LRRC7: variants seen among roughly 807,000 people sequenced by gnomAD.
LRRC7 encodes leucine rich repeat containing 7.
A neutral mutation model predicts 175.7 loss-of-function variants in LRRC7; 23 were observed. That is an observed-to-expected ratio of 0.13 (90% CI 0.09 to 0.19). LRRC7 has a LOEUF of 0.19. Among genes scored for constraint, LRRC7 ranks in the 10% least tolerant of loss-of-function variants. The pLI, the probability that LRRC7 is intolerant of heterozygous loss-of-function variation, is 1.00. For synonymous variants in LRRC7, 685 were observed against 680.9 expected, an observed-to-expected ratio of 1.01 and a Z score of -0.09; for missense variants, 1,354 against 1,904.7, an observed-to-expected ratio of 0.71 and a Z score of 5.38.
chr1:69,994,466 G>T, intron 10 of LRRC7, 95 bp from the exon 11 acceptor site: 1 of 875,764 alleles, frequency 1.1e-6, no homozygotes, highest in Non-Finnish European at 1.9e-6. Flanking sequence ...AGCATGCCAA[G>T]CATTCAACAC....
At chr1:69,875,358 G>A (rs1353952979) in intron 7 of LRRC7, among the ~76,000 whole-genome samples, 1 of 151,926 alleles carries the variant, frequency 6.6e-6, no homozygotes, top group African/African-American at 2.4e-5. Context: ...TATAACAATT[G>A]AAAACTTGTA....
At chr1:69,770,824 G>C (rs181026080) in intron 3 of LRRC7, among the ~76,000 whole-genome samples, 1 of 152,062 alleles carries the variant, frequency 6.6e-6, no homozygotes, top group Non-Finnish European at 1.5e-5. Flanking sequence ...TAGATCCTGG[G>C]TTTGAATAAA....
intron 1 of LRRC7, among the ~76,000 whole-genome samples, chr1:69,665,479 G>T (rs1211114915): frequency 2.6e-5 from 4 of 151,954 alleles, no homozygotes; most frequent in African/African-American, 9.7e-5. Context: ...TCATTTTTGT[G>T]TGTCCTATTC....
intron 2 of LRRC7, among the ~76,000 whole-genome samples, chr1:69,732,696 C>G (rs1290012255): frequency 6.6e-6 from 1 of 151,910 alleles, no homozygotes. Flanking sequence ...TATTTGGATT[C>G]TAAATTTTGA....
intron 23 of LRRC7, among the ~76,000 whole-genome samples, chr1:70,059,499 GTGTGT>G (rs1661411585): frequency 1.3e-5 from 2 of 151,548 alleles, no homozygotes; most frequent in African/African-American, 4.9e-5. Flanking sequence ...GTGTGTGTGT[GTGTGT>G]GTGTGTGTGT....
At chr1:70,018,676 T>C in intron 14 of LRRC7, 43 bp from the exon 15 acceptor site, 1 of 1,364,498 alleles carries the variant, frequency 7.3e-7, no homozygotes. Flanking sequence ...CTGTTATATA[T>C]TTGCAATTGT....
rs961271097 is a variant in LRRC7 at position 70,141,031 on chromosome 1, G to A, written c.*19144G>A. On this transcript the variant is annotated 3_prime_UTR_variant, in exon 27 of 27. Transcript: ENST00000651989. The stretch of plus-strand genomic sequence containing the variant: ...TAAATCAGTGACTAATAAGGCAATG[G>A]AACACTCAAGCAGATTTTCCTCTAA... 1.3e-5 allele frequency among the ~76,000 whole-genome samples: 2 copies of A among 152,052 alleles called. No homozygotes were observed. The highest frequency in any genetic ancestry group is 4.8e-5 in the African/African-American group (2 of 41,402).
intron 2 of LRRC7, among the ~76,000 whole-genome samples, chr1:69,753,118 G>A (rs1670018695): frequency 6.6e-6 from 1 of 152,052 alleles, no homozygotes; most frequent in Non-Finnish European, 1.5e-5. Flanking sequence ...GTGATTTCTT[G>A]TGTATTATGC....
intron 2 of LRRC7, among the ~76,000 whole-genome samples, chr1:69,687,541 A>AAAAAAAAG (rs1557601071): frequency 2.1e-5 from 3 of 140,236 alleles, no homozygotes; most frequent in African/African-American, 5.2e-5. Context: ...AAAAAAAAGA[A>AAAAAAAAG]AAAAGAAAAA....
chr1:70,111,762 C>T (rs899725540), intron 26 of LRRC7, among the ~76,000 whole-genome samples: 1 of 152,130 alleles, frequency 6.6e-6, no homozygotes, highest in Non-Finnish European at 1.5e-5. Flanking sequence ...AAAACTCACT[C>T]GCAAGTATGT....
intron 25 of LRRC7, among the ~76,000 whole-genome samples, chr1:70,097,322 G>A (rs1478990542): frequency 2.6e-5 from 4 of 152,102 alleles, no homozygotes; most frequent in South Asian, 2.1e-4. Context: ...ATAATGATGC[G>A]TTAGCCATTG....
chr1:69,711,865 G>T (rs1046081781), intron 2 of LRRC7, among the ~76,000 whole-genome samples: 1 of 152,148 alleles, frequency 6.6e-6, no homozygotes, highest in African/African-American at 2.4e-5. Context: ...TCGGAGGCAG[G>T]TCAAACTGGA....
chr1:70,033,047 G>T (rs979748303), intron 18 of LRRC7, among the ~76,000 whole-genome samples: 53 of 152,210 alleles, frequency 3.5e-4, no homozygotes, highest in African/African-American at 1.2e-3. Flanking sequence ...CTCTATAAAA[G>T]AATTTATAGA....
At chr1:69,845,852 C>G (rs1184090211) in intron 7 of LRRC7, among the ~76,000 whole-genome samples, 3 of 152,166 alleles carry the variant, frequency 2.0e-5, no homozygotes, top group Admixed American at 1.3e-4. Flanking sequence ...TAATTGGATA[C>G]TGTGTGATTG....
At chr1:69,868,897 A>G (rs1288393565) in intron 7 of LRRC7, among the ~76,000 whole-genome samples, 3 of 142,750 alleles carry the variant, frequency 2.1e-5, no homozygotes, top group African/African-American at 7.7e-5. Flanking sequence ...CTATCTATAT[A>G]TGTATGTATA....
In LRRC7 at chr1:70,122,541, GAC is replaced by G. The variant is rs1399291866; in HGVS notation, c.*658_*659del. 1 of 151,984 alleles carries G rather than the reference GAC, an allele frequency of 6.6e-6. No individual in the cohort carries two copies. Among genetic ancestry groups the G allele is most frequent in the East Asian group, 1.9e-4 (1 of 5,194 alleles). The allele number at this position is 151,984 out of a possible 1,614,324, so 9.4% of individuals were successfully genotyped here. On this transcript the variant is annotated 3_prime_UTR_variant, in exon 27 of 27. Coordinates refer to ENST00000651989, the MANE Select transcript of LRRC7 (RefSeq NM_001370785.2). ...CCATATTCATTTGCTAAATTCTCAT[GAC>G]ACAGAGTGAAATATTTCATAAATTA... is the stretch of plus-strand genomic sequence containing the variant.
chr1:69,864,206 T>C (rs1267389643), intron 7 of LRRC7, among the ~76,000 whole-genome samples: 2 of 152,238 alleles, frequency 1.3e-5, no homozygotes, highest in Non-Finnish European at 2.9e-5. Flanking sequence ...GAATTGTTTA[T>C]TTATTTGCTT....
chr1:69,605,365 T>C (rs923195978), intron 1 of LRRC7, among the ~76,000 whole-genome samples: 1 of 152,184 alleles, frequency 6.6e-6, no homozygotes, highest in Non-Finnish European at 1.5e-5. Context: ...TTACCTAGTC[T>C]GGGGTATATC....
chr1:69,817,074 G>T (rs1369447947), intron 4 of LRRC7, among the ~76,000 whole-genome samples: 1 of 151,878 alleles, frequency 6.6e-6, no homozygotes, highest in Non-Finnish European at 1.5e-5. Context: ...ATGTATGTAG[G>T]TTTTGCTGTG....
Sources: gnomAD v4.1 joint callset for allele counts (sites outside exome capture counted in the v4.1 genomes callset) on GRCh38, gnomAD v4.1.1 for gene constraint, MANE v1.5 for transcripts, NCBI Gene and HGNC (gene_info 2026-07-23, HGNC 2026-07-21) for gene names.